Variants in SLC35F1 observed in about 807,000 individuals in gnomAD.
SLC35F1 encodes the protein solute carrier family 35 member F1, also known as chromosome 6 open reading frame 169.
In SLC35F1, 14 loss-of-function variants were observed where a neutral mutation model predicts 48.7. The observed-to-expected ratio is 0.29, with a 90% confidence interval of 0.19 to 0.45. SLC35F1 has a LOEUF of 0.45. Ranked by LOEUF, SLC35F1 falls within the 20% of genes least tolerant of loss-of-function variation. The probability of loss-of-function intolerance (pLI) is 1.00; values close to 1 mark genes in which losing one functional copy is unlikely to be tolerated. For synonymous variants in SLC35F1, 190 were observed against 202.2 expected, an observed-to-expected ratio of 0.94 and a Z score of 0.51; for missense variants, 404 against 500.0, an observed-to-expected ratio of 0.81 and a Z score of 1.83.
At chr6:118,196,506 A>G (rs1283208125) in intron 2 of SLC35F1, among the ~76,000 whole-genome samples, 3 of 152,062 alleles carry the variant, frequency 2.0e-5, no homozygotes, top group African/African-American at 7.2e-5. Context: ...ACTTGAGGCC[A>G]GGAGTTCGAG....
intron 1 of SLC35F1, among the ~76,000 whole-genome samples, chr6:117,985,627 CT>C (rs1474133576): frequency 6.6e-6 from 1 of 152,200 alleles, no homozygotes; most frequent in Non-Finnish European, 1.5e-5. Flanking sequence ...TCTATACACA[CT>C]TTTAAGCCGT....
intron 3 of SLC35F1, among the ~76,000 whole-genome samples, chr6:118,245,772 T>C (rs1775499571): frequency 6.6e-6 from 1 of 152,194 alleles, no homozygotes; most frequent in Admixed American, 6.5e-5. Context: ...TAAGCACACA[T>C]CACTTAAGTT....
intron 1 of SLC35F1, among the ~76,000 whole-genome samples, chr6:117,979,629 C>T (rs1300783102): frequency 6.6e-6 from 1 of 152,110 alleles, no homozygotes; most frequent in Admixed American, 6.5e-5. Context: ...GAAAATCTTG[C>T]TTAAAACACT....
intron 1 of SLC35F1, among the ~76,000 whole-genome samples, chr6:118,066,451 A>T (rs534973921): frequency 2.0e-4 from 31 of 152,322 alleles, no homozygotes; most frequent in African/African-American, 7.0e-4. Flanking sequence ...CAAGAAATGA[A>T]TTCTGCCAAC....
intron 1 of SLC35F1, chr6:117,999,335 C>G: frequency 1.3e-6 from 2 of 1,595,332 alleles, no homozygotes; most frequent in Non-Finnish European, 1.7e-6. Flanking sequence ...GCTGTGCCGG[C>G]CAAAGGCCAA....
intron 1 of SLC35F1, among the ~76,000 whole-genome samples, chr6:117,924,067 G>A (rs1197490216): frequency 6.8e-6 from 1 of 147,544 alleles, no homozygotes; most frequent in African/African-American, 2.5e-5. Flanking sequence ...ACACACATAG[G>A]TACACATGCA....
Position 117,937,852 on chromosome 6 carries a change from T to C in SLC35F1, c.173+29953T>C, listed in dbSNP as rs1322684760. ...AATTTCAGGCCAAACATCACATCCATGTTACACCCTCTACTTGTCTTCACC... is the reference window on the plus strand; with the variant it reads ...AATTTCAGGCCAAACATCACATCCACGTTACACCCTCTACTTGTCTTCACC... On this transcript the variant is annotated intron_variant, in intron 1 of 7. Transcript: ENST00000360388. 2.0e-5 allele frequency among the ~76,000 whole-genome samples: 3 copies of C among 152,276 alleles called. No homozygotes were observed. The East Asian group carries it at 5.8e-4, about 29-fold the overall frequency.
intron 1 of SLC35F1, among the ~76,000 whole-genome samples, chr6:117,959,458 C>A (rs894137279): frequency 2.0e-5 from 3 of 152,174 alleles, no homozygotes; most frequent in African/African-American, 7.2e-5. Context: ...GTAACAAAAT[C>A]TCTGTCTGTA....
At chr6:117,997,768 A>T (rs1162299448) in intron 1 of SLC35F1, among the ~76,000 whole-genome samples, 6 of 152,220 alleles carry the variant, frequency 3.9e-5, no homozygotes, top group Non-Finnish European at 7.3e-5. Context: ...ACAGCTCCTG[A>T]AGGAAGTACT....
intron 1 of SLC35F1, among the ~76,000 whole-genome samples, chr6:118,103,688 C>A (rs1773290871): frequency 6.6e-6 from 1 of 152,210 alleles, no homozygotes; most frequent in Non-Finnish European, 1.5e-5. Flanking sequence ...TGACTCTCCA[C>A]CCTTTTCTTC....
At chr6:118,265,840 C>A (rs1476483958) in intron 3 of SLC35F1, among the ~76,000 whole-genome samples, 8 of 152,178 alleles carry the variant, frequency 5.3e-5, no homozygotes, top group Non-Finnish European at 1.0e-4. Flanking sequence ...GATGGTTGGA[C>A]AAATCATAAG....
At chr6:118,042,641 A>G (rs1467825356) in intron 1 of SLC35F1, among the ~76,000 whole-genome samples, 1 of 152,168 alleles carries the variant, frequency 6.6e-6, no homozygotes, top group Non-Finnish European at 1.5e-5. Flanking sequence ...TGGTGGCAGT[A>G]TGGAGGATGA....
At chr6:118,264,546 T>C (rs1483025690) in intron 3 of SLC35F1, among the ~76,000 whole-genome samples, 2 of 152,224 alleles carry the variant, frequency 1.3e-5, no homozygotes, top group Non-Finnish European at 1.5e-5. Context: ...ATCTCAGGAC[T>C]CATCAAGTGC....
chr6:118,289,075 T>A (rs558961635), intron 7 of SLC35F1, among the ~76,000 whole-genome samples: 91 of 152,280 alleles, frequency 6.0e-4, no homozygotes, highest in Middle Eastern at 3.4e-3. Context: ...CATTTCAAAA[T>A]GTTATATAAA....
Position 117,936,166 on chromosome 6 carries a change from G to A in SLC35F1, c.173+28267G>A, listed in dbSNP as rs553333795. On this transcript the variant is annotated intron_variant, in intron 1 of 7. Transcript: ENST00000360388. ...TACTAGGATCTGCCTTTGTTGGAGG[G>A]TGAGAGTTGGGATGTGCTGCCAAGT... Among the ~76,000 whole-genome samples, 311 of 152,296 alleles carry A rather than the reference G, an allele frequency of 2.0e-3. 1 individual carries two copies. The highest frequency in any genetic ancestry group is 2.3e-3 in the South Asian group (11 of 4,824).
At chr6:118,231,902 C>T (rs1285660912) in intron 2 of SLC35F1, among the ~76,000 whole-genome samples, 4 of 152,098 alleles carry the variant, frequency 2.6e-5, no homozygotes, top group South Asian at 2.1e-4. Context: ...TGCCATTGAC[C>T]TTTTTATGTC....
intron 7 of SLC35F1, among the ~76,000 whole-genome samples, chr6:118,291,453 G>T (rs149603951): frequency 6.6e-6 from 1 of 152,164 alleles, no homozygotes; most frequent in African/African-American, 2.4e-5. Flanking sequence ...CTGGATACCC[G>T]ACTCTTATCA....
chr6:117,908,062 G>A (rs984328309), intron 1 of SLC35F1, among the ~76,000 whole-genome samples, 163 bp downstream of exon 1: 1 of 152,220 alleles, frequency 6.6e-6, no homozygotes, highest in African/African-American at 2.4e-5. Context: ...GCGCAGAGAG[G>A]CCGCGGCAGC....
chr6:117,942,187 G>A (rs2114820639), intron 1 of SLC35F1, among the ~76,000 whole-genome samples: 1 of 152,286 alleles, frequency 6.6e-6, no homozygotes, highest in Non-Finnish European at 1.5e-5. Context: ...GCTGGTGGTA[G>A]AGTGGGCTTG....
Sources: gnomAD v4.1 joint callset for allele counts (sites outside exome capture counted in the v4.1 genomes callset) on GRCh38, gnomAD v4.1.1 for gene constraint, MANE v1.5 for transcripts, NCBI Gene and HGNC (gene_info 2026-07-23, HGNC 2026-07-21) for gene names.